GCLC: variants seen among roughly 807,000 people sequenced by gnomAD.
GCLC encodes the protein glutamate--cysteine ligase catalytic subunit.
A neutral mutation model predicts 81.5 loss-of-function variants in GCLC; 30 were observed. The observed-to-expected ratio is 0.37, with a 90% CI of 0.28 to 0.50. The LOEUF is 0.50. Ranked by LOEUF, GCLC falls within the 20% of genes least tolerant of loss-of-function variation. The pLI is 0.96. For missense variants in GCLC, 556 were observed against 777.4 expected (o/e 0.72, Z 3.39); for synonymous variants, 262 against 273.3 (o/e 0.96, Z 0.41).
chr6:53,527,871 G>A (rs1169183806), intron 1 of GCLC, among the ~76,000 whole-genome samples: 1 of 152,108 alleles, frequency 6.6e-6, no homozygotes, highest in African/African-American at 2.4e-5. Flanking sequence ...CTGCACCACT[G>A]ACTGCAGCAC....
intron 12 of GCLC, chr6:53,503,275 C>T (rs1415263172): frequency 6.6e-6 from 1 of 152,390 alleles, no homozygotes; most frequent in Non-Finnish European, 1.5e-5. Context: ...AAAGCTCTCA[C>T]CACACACCGA....
chr6:53,534,309 A>T (rs1336464510), intron 1 of GCLC, among the ~76,000 whole-genome samples: 1 of 152,152 alleles, frequency 6.6e-6, no homozygotes, highest in East Asian at 1.9e-4. Context: ...AACTTGGCTA[A>T]ATCTTGGGTG....
rs1432552924 is a variant in GCLC, at chr6:53,516,169, C to T, written c.500G>A (p.Gly167Glu). The T allele has an allele frequency of 1.8e-5, 29 of 1,613,684 alleles. No homozygotes were observed. The highest frequency in any genetic ancestry group is 2.5e-5 in the Non-Finnish European group (29 of 1,179,710). Residue 167 changes from glycine to glutamate, a missense_variant, in exon 4 of 16, where the codon GGA becomes GAA. By Grantham distance (98) the Gly-to-Glu change is moderately conservative (BLOSUM62 -2). Coordinates refer to ENST00000650454, the MANE Select transcript of GCLC (RefSeq NM_001498.4). ...AAAGAAGAGGGACTTGGAAGCTCCTCCTTCCACTGGGTTGGGTTTGACCTC... is the reference window on the plus strand; with the variant it reads ...AAAGAAGAGGGACTTGGAAGCTCCTTCTTCCACTGGGTTGGGTTTGACCTC... ...LPEVKPNPVE[G>E]GASKSLFFPD...
rs1181690982 is a variant in GCLC at position 53,508,715 on chromosome 6, AAAAC to A, written c.829-8_829-5del. 2 of 1,592,044 alleles carry A rather than the reference AAAAC, an allele frequency of 1.3e-6. No individual in the cohort carries two copies. Among genetic ancestry groups the A allele is most frequent in the Admixed American group, 3.3e-5 (2 of 59,988 alleles). On this transcript the variant is annotated splice_region_variant and splice_polypyrimidine_tract_variant and intron_variant, in intron 7 of 15. Transcript: ENST00000650454. Reference sequence around the variant, plus strand: ...GAGATGCAGCACTCAAAGCCATCTAAAAACAAACAAAAGTCAGCTCCTGCAAATT... The same window carrying A: ...GAGATGCAGCACTCAAAGCCATCTAAAAACAAAAGTCAGCTCCTGCAAATT...
At chr6:53,526,237 G>A (rs962397052) in intron 1 of GCLC, among the ~76,000 whole-genome samples, 4 of 152,182 alleles carry the variant, frequency 2.6e-5, no homozygotes, top group Non-Finnish European at 5.9e-5. Flanking sequence ...GTTTAAACAA[G>A]GGTGAGGTAC....
rs149037253 is a variant in GCLC at position 53,523,685 on chromosome 6, T to C, written c.151-1158A>G. ...CACTGTCTGCAGTTTATTCCCTTAT[T>C]TATGTGTATTTCCCTGGTCTTGGAA... On this transcript the variant is annotated intron_variant, in intron 1 of 15. Coordinates refer to ENST00000650454, the MANE Select transcript of GCLC (RefSeq NM_001498.4). Among the ~76,000 whole-genome samples the C allele has an allele frequency of 1.3e-5, 2 of 152,312 alleles. 1 individual carries two copies. Among genetic ancestry groups the C allele is most frequent in the East Asian group, 3.9e-4 (2 of 5,186 alleles).
In GCLC at chr6:53,520,908, G is replaced by GAGGGC. The variant is rs751151320; in HGVS notation, c.315_316insGCCCT (p.Pro106AlafsTer32). ...ATTGTTCCTCCGTAGGGCTGTCCTG[G>GAGGGC]TGTCCCTTCAATCATGTAACTCCCA... On this transcript the variant is annotated frameshift_variant, in exon 3 of 16. Coordinates refer to ENST00000650454, the MANE Select transcript of GCLC (RefSeq NM_001498.4). LOFTEE classifies it high-confidence loss of function. 1.9e-6 allele frequency: 3 copies of GAGGGC among 1,613,966 alleles called. No individual in the cohort carries two copies. The highest frequency in any genetic ancestry group is 1.3e-5 in the African/African-American group (1 of 75,046).
intron 6 of GCLC, 75 bp from the exon 7 acceptor site, chr6:53,509,325 A>C (rs1764687794): frequency 1.1e-6 from 1 of 897,780 alleles, no homozygotes; most frequent in Non-Finnish European, 1.9e-6. Context: ...TCAGAGAAGG[A>C]AGGTGCTGGG....
chr6:53,541,019 A>G (rs1763344662), intron 1 of GCLC, among the ~76,000 whole-genome samples: 2 of 152,190 alleles, frequency 1.3e-5, no homozygotes, highest in Middle Eastern at 3.2e-3. Flanking sequence ...GTTCGAGACC[A>G]GCCTGGCCAA....
chr6:53,509,403 T>G, intron 6 of GCLC, 153 bp from the exon 7 acceptor site: 1 of 675,972 alleles, frequency 1.5e-6, no homozygotes, highest in South Asian at 1.6e-5. Context: ...GTTTAAAAGT[T>G]GTCTTAGGTG....
At chr6:53,526,069 T>G (rs950751837) in intron 1 of GCLC, among the ~76,000 whole-genome samples, 1 of 152,004 alleles carries the variant, frequency 6.6e-6, no homozygotes, top group African/African-American at 2.4e-5. Flanking sequence ...AAGACACATA[T>G]AAAAGACCAG....
rs1763062575 is a variant in GCLC at position 53,525,348 on chromosome 6, A to G, written c.151-2821T>C. Among the ~76,000 whole-genome samples, 3 of 152,236 alleles carry G rather than the reference A, an allele frequency of 2.0e-5. No individual in the cohort carries two copies. In the South Asian group the frequency reaches 6.2e-4, roughly 31 times the overall value. ...ACTGCATATTTAAAAGTCAAACTAG[A>G]GCTGAAATGGGGTTTGACGCAATAA... On this transcript the variant is annotated intron_variant, in intron 1 of 15. Coordinates refer to ENST00000650454, the MANE Select transcript of GCLC (RefSeq NM_001498.4).
chr6:53,533,524 G>A (rs1440193023), intron 1 of GCLC, among the ~76,000 whole-genome samples: 1 of 152,026 alleles, frequency 6.6e-6, no homozygotes, highest in Middle Eastern at 3.4e-3. Context: ...TCAGTTGATG[G>A]TAAAGTATGT....
rs1764476710 is a variant in GCLC, at chr6:53,500,037, T to C, written c.1702+8A>G. On this transcript the variant is annotated splice_region_variant and intron_variant, in intron 15 of 15. Transcript: ENST00000650454. ...ATATTATGAGATTAAGAAAAATAGA[T>C]ATCATACCAGATGCTCTCTTCTTAA... 1.3e-6 allele frequency: 2 copies of C among 1,578,162 alleles called. No individual in the cohort carries two copies. Among genetic ancestry groups the C allele is most frequent in the South Asian group, 2.2e-5 (2 of 90,348 alleles).
chr6:53,533,640 A>G (rs975066531), intron 1 of GCLC, among the ~76,000 whole-genome samples: 3 of 152,330 alleles, frequency 2.0e-5, no homozygotes, highest in African/African-American at 7.2e-5. Context: ...TTAAGTATTA[A>G]GGTATTCTGA....
chr6:53,514,194 G>A lies in GCLC; in HGVS notation c.753+10C>T. The A allele has an allele frequency of 6.2e-7, 1 of 1,613,124 alleles. No individual in the cohort carries two copies. The highest frequency in any genetic ancestry group is 8.5e-7 in the Non-Finnish European group (1 of 1,179,104). On this transcript the variant is annotated intron_variant, in intron 6 of 15. Coordinates refer to ENST00000650454, the MANE Select transcript of GCLC (RefSeq NM_001498.4). ...GAACACTTTGCCTCTCTGTATATTT[G>A]AAACTATACCTGGAGACAGCAATTG...
At chr6:53,522,590 A>G in intron 1 of GCLC, 63 bp from the exon 2 acceptor site, 1 of 1,002,124 alleles carries the variant, frequency 1.0e-6, no homozygotes, top group Non-Finnish European at 1.6e-6. Context: ...TGTGGCCTCC[A>G]GAAGAAAAAG....
In GCLC at chr6:53,498,167, G is replaced by A. The variant is rs1432972368; in HGVS notation, c.*589C>T. Reference sequence around the variant, plus strand: ...TCAGAGTTCAATGGGTATTTATTCAGAGGGGAAAGCTTGGGGCAAGGTGAC... The same window carrying A: ...TCAGAGTTCAATGGGTATTTATTCAAAGGGGAAAGCTTGGGGCAAGGTGAC... On this transcript the variant is annotated 3_prime_UTR_variant, in exon 16 of 16. Transcript: ENST00000650454. 1 of 151,802 alleles carries A rather than the reference G, an allele frequency of 6.6e-6. No individual in the cohort carries two copies. The highest frequency in any genetic ancestry group is 1.5e-5 in the Non-Finnish European group (1 of 68,290). The allele number at this position is 151,802 out of a possible 1,614,324, so 9.4% of individuals were successfully genotyped here.
At chr6:53,499,254 A>G (rs1216233375) in intron 15 of GCLC, among the ~76,000 whole-genome samples, 2 of 152,160 alleles carry the variant, frequency 1.3e-5, no homozygotes, top group Admixed American at 1.3e-4. Flanking sequence ...AAGGAACAGG[A>G]GCCAGCACAT....
Sources: gnomAD v4.1 joint callset for allele counts (sites outside exome capture counted in the v4.1 genomes callset) on GRCh38, gnomAD v4.1.1 for gene constraint, MANE v1.5 for transcripts, NCBI Gene and HGNC (gene_info 2026-07-23, HGNC 2026-07-21) for gene names.